THOC2: variants seen among roughly 807,000 people sequenced by gnomAD.
THOC2 encodes THO complex 2.
THOC2 carries 10 observed loss-of-function variants against 128.4 expected under a neutral mutation model. The observed-to-expected ratio is 0.08, with a 90% CI of 0.05 to 0.13. The LOEUF is 0.13. Ranked by LOEUF, THOC2 falls within the 10% of genes least tolerant of loss-of-function variation. The pLI is 1.00. For synonymous variants in THOC2, 393 were observed against 396.9 expected (o/e 0.99, Z 0.12); for missense variants, 535 against 1,155.7 (o/e 0.46, Z 7.79).
At chrX:123,657,168 G>A in intron 12 of THOC2, among the ~76,000 whole-genome samples, 1 of 111,573 alleles carries the variant, frequency 9.0e-6, no homozygotes, top group Non-Finnish European at 1.9e-5. Context: ...CTGAGCTTGA[G>A]GATATCTCCA....
intron 12 of THOC2, among the ~76,000 whole-genome samples, chrX:123,654,236 C>T (rs192804405): frequency 1.8e-5 from 2 of 109,291 alleles, no homozygotes; most frequent in East Asian, 5.8e-4. Context: ...AGGGGAACAT[C>T]ACACACAGGG....
intron 24 of THOC2, 76 bp downstream of exon 24, chrX:123,626,445 T>C (rs976974851): frequency 8.4e-5 from 85 of 1,009,735 alleles, no homozygotes; most frequent in Non-Finnish European, 1.1e-4. Flanking sequence ...TAATACACTT[T>C]AACACCTCTA....
At chrX:123,647,355 TG>T (rs1370385985) in intron 12 of THOC2, among the ~76,000 whole-genome samples, 2 of 112,086 alleles carry the variant, frequency 1.8e-5, no homozygotes, top group Non-Finnish European at 3.8e-5. Flanking sequence ...TCAAAGCAAC[TG>T]TAAGACTCTC....
At chrX:123,677,742 C>T (rs915759989) in intron 8 of THOC2, among the ~76,000 whole-genome samples, 1 of 109,129 alleles carries the variant, frequency 9.2e-6, no homozygotes, top group African/African-American at 3.3e-5. Flanking sequence ...TAGTGGCAGG[C>T]GCCTGTAATC....
At position 123,677,461 on chromosome X, in the gene THOC2, AT is replaced by A. The variant is rs566552109; in HGVS notation, c.769-5701del. Among the ~76,000 whole-genome samples, 61 of 112,328 alleles carry A rather than the reference AT, an allele frequency of 5.4e-4. 1 individual carries two copies. The South Asian group carries it at 0.022, about 40-fold the overall frequency. On this transcript the variant is annotated intron_variant, in intron 8 of 38. Transcript: ENST00000245838. Reference sequence around the variant, plus strand: ...TTTCTTACCTTATAAGTTTTTTAATATTTTTTTAACTTTTTGACTTTTTTGT... The same window carrying A: ...TTTCTTACCTTATAAGTTTTTTAATATTTTTTAACTTTTTGACTTTTTTGT...
intron 24 of THOC2, among the ~76,000 whole-genome samples, 198 bp downstream of exon 24, chrX:123,626,323 T>G (rs773808466): frequency 5.3e-5 from 6 of 112,311 alleles, no homozygotes; most frequent in Non-Finnish European, 1.1e-4. Context: ...AGTTAAAAGT[T>G]AATTAACTTC....
At chrX:123,707,424 A>G (rs2050979791) in intron 2 of THOC2, among the ~76,000 whole-genome samples, 1 of 112,058 alleles carries the variant, frequency 8.9e-6, no homozygotes, top group South Asian at 3.7e-4. Context: ...ATAGCAGTAC[A>G]TATACTACCG....
chrX:123,723,903 C>T (rs769637477), intron 1 of THOC2, among the ~76,000 whole-genome samples: 31 of 111,184 alleles, frequency 2.8e-4, no homozygotes, highest in African/African-American at 8.8e-4. Flanking sequence ...CGGGAACAAA[C>T]AGTATGTTGC....
chrX:123,703,890 T>TAA (rs774877149), intron 3 of THOC2, among the ~76,000 whole-genome samples: 13 of 37,030 alleles, frequency 3.5e-4, no homozygotes, highest in Non-Finnish European at 4.9e-4. Flanking sequence ...ACTCTGTCTT[T>TAA]AAAAAAAAAA....
chrX:123,669,865 T>C (rs755302078), intron 9 of THOC2, among the ~76,000 whole-genome samples: 4 of 112,001 alleles, frequency 3.6e-5, no homozygotes, highest in Admixed American at 2.8e-4. Context: ...CTCATCCTTT[T>C]ACTATCAACA....
chrX:123,624,018 C>CA, intron 27 of THOC2, 42 bp downstream of exon 27: 1 of 1,183,249 alleles, frequency 8.5e-7, no homozygotes, highest in Non-Finnish European at 1.1e-6. Flanking sequence ...CACAAGTATA[C>CA]AGAGAAAAAT....
At chrX:123,674,499 AT>A (rs1171801211) in intron 8 of THOC2, among the ~76,000 whole-genome samples, 2 of 111,657 alleles carry the variant, frequency 1.8e-5, no homozygotes, top group African/African-American at 6.5e-5. Context: ...CTGGATCATG[AT>A]TTTTTATACA....
At chrX:123,653,962 T>C (rs1051052658) in intron 12 of THOC2, among the ~76,000 whole-genome samples, 1 of 111,594 alleles carries the variant, frequency 9.0e-6, no homozygotes, top group African/African-American at 3.3e-5. Context: ...ACACGTATGT[T>C]TACTGCAGCA....
chrX:123,667,308 T>A (rs2049085707), intron 10 of THOC2, 30 bp from the exon 11 acceptor site: 4 of 1,100,848 alleles, frequency 3.6e-6, no homozygotes, highest in Middle Eastern at 5.2e-4. Flanking sequence ...ACTAAGATAC[T>A]CAGGATACAG....
At chrX:123,620,738 T>C in intron 32 of THOC2, 169 bp downstream of exon 32, 1 of 414,596 alleles carries the variant, frequency 2.4e-6, no homozygotes, top group Non-Finnish European at 4.1e-6. Flanking sequence ...AAATACTCAA[T>C]AGGAAAAAAA....
intron 1 of THOC2, among the ~76,000 whole-genome samples, chrX:123,715,784 CAAAA>C (rs765556592): frequency 2.6e-5 from 1 of 38,122 alleles, no homozygotes; most frequent in Non-Finnish European, 5.2e-5. Context: ...GACCTTGTCT[CAAAA>C]AAAAAAAAAA....
intron 12 of THOC2, among the ~76,000 whole-genome samples, chrX:123,656,026 A>G (rs2048557444): frequency 9.1e-6 from 1 of 109,336 alleles, no homozygotes; most frequent in Admixed American, 9.8e-5. Flanking sequence ...GGGGAAAAAA[A>G]AAAGGGAACT....
At chrX:123,665,375 T>C (rs2049008926) in intron 12 of THOC2, among the ~76,000 whole-genome samples, 2 of 111,515 alleles carry the variant, frequency 1.8e-5, no homozygotes, top group Admixed American at 9.6e-5. Flanking sequence ...TCTAGGTATG[T>C]AGTAGGTCAT....
intron 1 of THOC2, among the ~76,000 whole-genome samples, chrX:123,719,104 G>C (rs1164326760): frequency 1.8e-5 from 2 of 108,488 alleles, no homozygotes; most frequent in African/African-American, 6.7e-5. Flanking sequence ...CGTCAACCCG[G>C]GAGGCAGAGC....
Sources: gnomAD v4.1 joint callset for allele counts (sites outside exome capture counted in the v4.1 genomes callset) on GRCh38, gnomAD v4.1.1 for gene constraint, MANE v1.5 for transcripts, NCBI Gene and HGNC (gene_info 2026-07-23, HGNC 2026-07-21) for gene names.